The following STOX2 variants were observed in gnomAD, a reference collection of about 807,000 sequenced individuals.
STOX2 encodes storkhead-box protein 2.
Under a neutral mutation model 60.9 loss-of-function variants are expected in STOX2, and 28 were observed. That is an observed-to-expected ratio of 0.46 (90% CI 0.34 to 0.63). STOX2 has a LOEUF of 0.63. STOX2 is among the 30% of genes least tolerant of loss of function. STOX2 has a pLI of 0.01. For missense variants in STOX2, 1,024 were observed against 1,187.7 expected (o/e 0.86, Z 2.03); for synonymous variants, 472 against 463.9 (o/e 1.02, Z -0.22).
At chr4:183,983,842 T>C (rs556619071) in intron 1 of STOX2, among the ~76,000 whole-genome samples, 1 of 152,370 alleles carries the variant, frequency 6.6e-6, no homozygotes, top group South Asian at 2.1e-4. Context: ...TGAAGTGCAG[T>C]GGTGCAATCA....
At chr4:183,883,897 G>A (rs1455833033) in intron 1 of STOX2, among the ~76,000 whole-genome samples, 1 of 151,228 alleles carries the variant, frequency 6.6e-6, no homozygotes, top group Non-Finnish European at 1.5e-5. Context: ...CATCGCCCAG[G>A]CTAGAGTGCA....
intron 1 of STOX2, among the ~76,000 whole-genome samples, chr4:183,883,943 C>T (rs1345438306): frequency 2.0e-5 from 3 of 151,900 alleles, no homozygotes; most frequent in African/African-American, 7.3e-5. Context: ...CCTCCGCCTC[C>T]TGGGTTCAAG....
rs371352772 is a variant in STOX2 at position 184,011,445 on chromosome 4, C to T, written c.2585+22C>T. ...CACGGTAGGGAGAGGTGTCTCTGTGCACACACATGCGCCTAGCGGGGCCTG... is the reference window on the plus strand; with the variant it reads ...CACGGTAGGGAGAGGTGTCTCTGTGTACACACATGCGCCTAGCGGGGCCTG... On this transcript the variant is annotated intron_variant, in intron 3 of 3. Coordinates refer to ENST00000308497, the MANE Select transcript of STOX2 (RefSeq NM_020225.3). This position sits in a 1 kb window ranked among gnomAD's most constrained non-coding sequence, Gnocchi z 4.4. 2.8e-5 allele frequency: 45 copies of T among 1,594,192 alleles called. No homozygotes were observed. The African/African-American group carries it at 5.3e-4, about 19-fold the overall frequency.
intron 1 of STOX2, among the ~76,000 whole-genome samples, chr4:183,924,143 C>T (rs1742175899): frequency 6.6e-6 from 1 of 152,196 alleles, no homozygotes; most frequent in Non-Finnish European, 1.5e-5. Flanking sequence ...CTCTCAGCTC[C>T]TTCCTTCAAA....
intron 1 of STOX2, among the ~76,000 whole-genome samples, chr4:183,870,051 C>CA (rs1296449920): frequency 3.9e-5 from 6 of 152,028 alleles, no homozygotes; most frequent in African/African-American, 9.6e-5. Flanking sequence ...CTTCCGTGGG[C>CA]AAAAAAATCG....
At chr4:184,007,618 G>A (rs1018547957) in intron 2 of STOX2, among the ~76,000 whole-genome samples, 1 of 152,190 alleles carries the variant, frequency 6.6e-6, no homozygotes, top group Non-Finnish European at 1.5e-5. Context: ...TGCTAGGACT[G>A]CTGTAACAAA....
At position 184,001,472 on chromosome 4, in the gene STOX2, T is replaced by G; in HGVS notation, c.314T>G (p.Phe105Cys). ...EALMEHLTTC[F>C]PGVPTPSQEI... ...CTGATGGAGCACCTGACCACGTGCT[T>G]CCCAGGTAACGAGGCGGGAACGTAG... Residue 105 changes from phenylalanine (F) to cysteine (C), a missense_variant, in exon 2 of 4, where the codon TTC becomes TGC. By Grantham distance (205) the Phe-to-Cys change is radical. Transcript: ENST00000308497. This position sits in a 1 kb window ranked among gnomAD's most constrained non-coding sequence, Gnocchi z 4.2. The G allele has an allele frequency of 6.2e-7, 1 of 1,613,618 alleles. No individual in the cohort carries two copies. The highest frequency in any genetic ancestry group is 8.5e-7 in the Non-Finnish European group (1 of 1,179,790).
chr4:184,009,049 G>A lies in STOX2; in HGVS notation c.320-109G>A, dbSNP rs55708189. The stretch of plus-strand genomic sequence containing the variant: ...ACCTTTGTCTGAATTGTGCATCCTA[G>A]CTCTGTGATGGTACTTCGCATCTTG... On this transcript the variant is annotated intron_variant, in intron 2 of 3. Coordinates refer to ENST00000308497, the MANE Select transcript of STOX2 (RefSeq NM_020225.3). The surrounding 1 kb of genome is among the most constrained non-coding windows in gnomAD (Gnocchi z 4.0). The A allele has an allele frequency of 1.2e-4, 101 of 849,448 alleles. 1 individual carries two copies. In the African/African-American group the frequency reaches 1.6e-3, roughly 14 times the overall value. 52.6% of individuals were successfully genotyped at this position (849,448 alleles called of 1,614,324 possible).
At chr4:183,995,213 T>C (rs576047811) in intron 1 of STOX2, among the ~76,000 whole-genome samples, 122 of 151,118 alleles carry the variant, frequency 8.1e-4, no homozygotes, top group Middle Eastern at 6.8e-3. Flanking sequence ...GTGCACAGGC[T>C]GAGAAGTTCC....
intron 1 of STOX2, among the ~76,000 whole-genome samples, chr4:183,861,872 G>T (rs1056095857): frequency 1.3e-5 from 2 of 152,140 alleles, no homozygotes; most frequent in South Asian, 2.1e-4. Context: ...CAGCTCAGTG[G>T]ATGATTCAAA....
At chr4:183,984,911 C>T (rs1471986772) in intron 1 of STOX2, among the ~76,000 whole-genome samples, 1 of 152,108 alleles carries the variant, frequency 6.6e-6, no homozygotes, top group African/African-American at 2.4e-5. Context: ...CTCATCTTGC[C>T]ATCAGACGCC....
intron 1 of STOX2, among the ~76,000 whole-genome samples, chr4:183,833,521 A>C (rs1439652854): frequency 6.6e-6 from 1 of 152,168 alleles, no homozygotes; most frequent in Non-Finnish European, 1.5e-5. Flanking sequence ...ATCCAAATGC[A>C]AACAGTGGTA....
chr4:183,834,855 A>G (rs73870914), intron 1 of STOX2, among the ~76,000 whole-genome samples: 13,166 of 152,242 alleles, frequency 0.086, 1,845 homozygotes, highest in African/African-American at 0.3. Flanking sequence ...TCAAGTTTAC[A>G]GTGGAAGAGA....
intron 1 of STOX2, among the ~76,000 whole-genome samples, chr4:183,930,324 C>T (rs1221970275): frequency 1.3e-5 from 2 of 151,798 alleles, no homozygotes; most frequent in African/African-American, 2.4e-5. Flanking sequence ...CGCCACCAAG[C>T]CCAGCTAAGT....
intron 1 of STOX2, among the ~76,000 whole-genome samples, chr4:183,854,583 G>A (rs1474059831): frequency 6.6e-6 from 1 of 152,160 alleles, no homozygotes; most frequent in African/African-American, 2.4e-5. Flanking sequence ...AAAATAGCAA[G>A]TAGTGAATAA....
intron 1 of STOX2, among the ~76,000 whole-genome samples, chr4:183,891,809 T>G (rs7692942): frequency 1.3e-5 from 2 of 152,172 alleles, no homozygotes; most frequent in Non-Finnish European, 2.9e-5. Context: ...AATGAAAATT[T>G]AAAAAAAAGG....
At chr4:183,877,261 GA>G (rs1671656988) in intron 1 of STOX2, among the ~76,000 whole-genome samples, 1 of 152,162 alleles carries the variant, frequency 6.6e-6, no homozygotes, top group African/African-American at 2.4e-5. Context: ...ATGGTCTGGG[GA>G]CCAGCACGTC....
At chr4:183,863,435 TTC>T (rs1320285334) in intron 1 of STOX2, among the ~76,000 whole-genome samples, 5 of 152,238 alleles carry the variant, frequency 3.3e-5, no homozygotes, top group Non-Finnish European at 7.3e-5. Context: ...CCTGAAAGTC[TTC>T]TCTGTGTGAA....
chr4:183,999,422 C>G (rs929193555), intron 1 of STOX2, among the ~76,000 whole-genome samples: 5 of 152,194 alleles, frequency 3.3e-5, no homozygotes, highest in African/African-American at 1.2e-4. Flanking sequence ...AGGTCAGTTC[C>G]TGGCTTCTGC....
Sources: allele counts gnomAD v4.1 joint callset (sites outside exome capture counted in the v4.1 genomes callset), GRCh38; gene constraint gnomAD v4.1.1; non-coding constraint Gnocchi (gnomAD v3.1); transcripts MANE v1.5; gene names NCBI Gene and HGNC (gene_info 2026-07-23, HGNC 2026-07-21).